Variants in IL12RB2 observed in about 807,000 individuals in gnomAD.
IL12RB2 encodes interleukin-12 receptor subunit beta-2.
A neutral mutation model predicts 89.4 loss-of-function variants in IL12RB2; 82 were observed. The observed-to-expected ratio is 0.92, with a 90% CI of 0.77 to 1.10. IL12RB2 has a LOEUF of 1.10. Ranked by LOEUF, IL12RB2 falls within the 50% of genes least tolerant of loss-of-function variation. The pLI is 0.00. For synonymous variants in IL12RB2, 368 were observed against 370.1 expected (o/e 0.99, Z 0.07); for missense variants, 963 against 1,031.9 (o/e 0.93, Z 0.92).
At chr1:67,378,231 T>C (rs1664186017) in intron 13 of IL12RB2, among the ~76,000 whole-genome samples, 1 of 152,102 alleles carries the variant, frequency 6.6e-6, no homozygotes, top group South Asian at 2.1e-4. Context: ...TCTGCCATCC[T>C]CCCCAGCTTT....
chr1:67,386,466 G>C (rs1665158256), intron 14 of IL12RB2, 113 bp from the exon 15 acceptor site: 1 of 799,568 alleles, frequency 1.3e-6, no homozygotes, highest in Middle Eastern at 2.3e-4. Flanking sequence ...TTATTCTTGA[G>C]CACAGCTGCC....
chr1:67,369,121 T>C (rs1185997030), intron 11 of IL12RB2, among the ~76,000 whole-genome samples: 1 of 152,156 alleles, frequency 6.6e-6, no homozygotes, highest in East Asian at 1.9e-4. Context: ...ACCTCTTTTG[T>C]AGTCTGACTG....
chr1:67,352,375 C>T (rs563000325), intron 10 of IL12RB2, among the ~76,000 whole-genome samples: 308 of 152,322 alleles, frequency 2.0e-3, no homozygotes, highest in African/African-American at 7.1e-3. Flanking sequence ...GTCCTCCTTT[C>T]TGTTCCCTCT....
At chr1:67,388,165 A>G (rs1405292515) in intron 15 of IL12RB2, among the ~76,000 whole-genome samples, 3 of 152,106 alleles carry the variant, frequency 2.0e-5, no homozygotes, top group Non-Finnish European at 4.4e-5. Flanking sequence ...GGCAATAAGA[A>G]CAAAAAAAAC....
intron 13 of IL12RB2, among the ~76,000 whole-genome samples, chr1:67,376,138 G>T (rs1391893903): frequency 6.6e-6 from 1 of 151,650 alleles, no homozygotes; most frequent in African/African-American, 2.4e-5. Context: ...GAGCCACCGC[G>T]CCTGGCTGGC....
intron 9 of IL12RB2, among the ~76,000 whole-genome samples, chr1:67,341,150 C>T (rs546670076): frequency 3.3e-5 from 5 of 152,128 alleles, no homozygotes; most frequent in African/African-American, 1.2e-4. Context: ...CAGTAATAAT[C>T]CCATAATCCC....
intron 13 of IL12RB2, among the ~76,000 whole-genome samples, chr1:67,374,857 C>G (rs904293589): frequency 8.4e-6 from 1 of 119,476 alleles, no homozygotes; most frequent in South Asian, 2.9e-4. Context: ...TCTGTTGATT[C>G]TTAAAGCTGC....
intron 10 of IL12RB2, among the ~76,000 whole-genome samples, chr1:67,357,918 AAAGG>A (rs1239655320): frequency 1.3e-5 from 2 of 152,196 alleles, no homozygotes; most frequent in African/African-American, 4.8e-5. Flanking sequence ...CAACCATCTA[AAAGG>A]AGTTAGAGTA....
intron 1 of IL12RB2, among the ~76,000 whole-genome samples, chr1:67,310,065 T>C (rs1172007037): frequency 6.6e-6 from 1 of 150,714 alleles, no homozygotes; most frequent in African/African-American, 2.4e-5. Flanking sequence ...GGCATGGTAA[T>C]CCCAGCTACT....
intron 9 of IL12RB2, among the ~76,000 whole-genome samples, chr1:67,340,681 C>G (rs1659425789): frequency 6.6e-6 from 1 of 152,208 alleles, no homozygotes; most frequent in African/African-American, 2.4e-5. Flanking sequence ...GCGTGCTTTT[C>G]ACTGTAACAA....
At position 67,380,015 on chromosome 1, in the gene IL12RB2, C is replaced by T; in HGVS notation, c.1747C>T (p.His583Tyr). 6.2e-7 allele frequency: 1 copy of T among 1,611,952 alleles called. No individual in the cohort carries two copies. Among genetic ancestry groups the T allele is most frequent in the Non-Finnish European group, 8.5e-7 (1 of 1,177,968 alleles). The change falls in exon 14 of 17, where the codon CAT becomes TAT. Residue 583 changes from histidine (H) to tyrosine (Y), a missense_variant. Physicochemically the swap from His to Tyr is moderately conservative, Grantham distance 83. Transcript: ENST00000674203. ...EIPYRVSQNS[H>Y]PINSLQPRVT... ...TCCCTACAGAGTCTCCCAAAATTCACATCCAATAAACAGCCTGCAGCCCCG... is the reference window on the plus strand; with the variant it reads ...TCCCTACAGAGTCTCCCAAAATTCATATCCAATAAACAGCCTGCAGCCCCG...
At chr1:67,315,535 C>T (rs1056193687) in intron 2 of IL12RB2, among the ~76,000 whole-genome samples, 7 of 152,050 alleles carry the variant, frequency 4.6e-5, no homozygotes, top group Admixed American at 1.3e-4. Context: ...AGAAAAACTC[C>T]GCTCCATCCT....
rs200772326 is a variant in IL12RB2 at position 67,329,637 on chromosome 1, G to A, written c.715G>A (p.Val239Met). The stretch of plus-strand genomic sequence containing the variant: ...TAGAATCAAATTTCAAAAGGCTTCT[G>A]TGAGCAGATGTACCCTTTATTGGAG... ...DIRIKFQKAS[V>M]SRCTLYWRDE... is the part of the protein sequence containing the mutation. Residue 239 changes from valine (V) to methionine (M), a missense_variant, in exon 7 of 17, where the codon GTG becomes ATG. Transcript: ENST00000674203. 1.6e-5 allele frequency: 25 copies of A among 1,561,276 alleles called. No homozygotes were observed. The highest frequency in any genetic ancestry group is 3.3e-5 in the Admixed American group (2 of 59,954).
chr1:67,388,533 A>C (rs1358790026), intron 15 of IL12RB2, among the ~76,000 whole-genome samples: 1 of 152,068 alleles, frequency 6.6e-6, no homozygotes, highest in Non-Finnish European at 1.5e-5. Flanking sequence ...TTTGGTAGAG[A>C]TGGGGTTTCA....
At chr1:67,365,330 T>G (rs1158290124) in intron 10 of IL12RB2, among the ~76,000 whole-genome samples, 1 of 151,880 alleles carries the variant, frequency 6.6e-6, no homozygotes, top group African/African-American at 2.4e-5. Context: ...AATAAAGAGA[T>G]AAATTAATGA....
intron 15 of IL12RB2, among the ~76,000 whole-genome samples, chr1:67,386,875 TATATATATATATATA>T (rs1665231704): frequency 5.0e-5 from 1 of 19,984 alleles, no homozygotes; most frequent in East Asian, 1.6e-3. Context: ...ATGTATTTTA[TATATATATATATATA>T]TATATATATA....
chr1:67,313,664 A>G (rs906736793), intron 1 of IL12RB2, among the ~76,000 whole-genome samples: 4 of 152,174 alleles, frequency 2.6e-5, no homozygotes, highest in African/African-American at 9.7e-5. Flanking sequence ...TCTACTAAAA[A>G]TACAAAAATT....
In IL12RB2 at chr1:67,330,760, G is replaced by A. The variant is rs534864409; in HGVS notation, c.908G>A (p.Gly303Glu). Residue 303 changes from glycine (G) to glutamate (E), a missense_variant, in exon 8 of 17, where the codon GGA (glycine) becomes GAA (glutamate). Gly to Glu is a moderately conservative substitution (Grantham distance 98). Coordinates refer to ENST00000674203, the MANE Select transcript of IL12RB2 (RefSeq NM_001374259.2). ...QISSKLHLYK[G>E]SWSDWSESLR... ...TCCTCTAAGCTACATCTTTATAAGG[G>A]AAGTTGGAGTGATTGGAGTGAATCA... 6.4e-7 allele frequency: 1 copy of A among 1,568,018 alleles called. No individual in the cohort carries two copies. Among genetic ancestry groups the A allele is most frequent in the African/African-American group, 1.4e-5 (1 of 73,922 alleles).
chr1:67,347,944 C>T (rs934937169), intron 9 of IL12RB2, among the ~76,000 whole-genome samples: 1 of 152,182 alleles, frequency 6.6e-6, no homozygotes, highest in Non-Finnish European at 1.5e-5. Context: ...TGTCCCCAAG[C>T]TTCAACATCC....
Sources: gnomAD v4.1 joint callset for allele counts (sites outside exome capture counted in the v4.1 genomes callset) on GRCh38, gnomAD v4.1.1 for gene constraint, MANE v1.5 for transcripts, NCBI Gene and HGNC (gene_info 2026-07-23, HGNC 2026-07-21) for gene names.